The following PTER variants were observed in gnomAD, a reference collection of about 807,000 sequenced individuals.
The protein encoded by PTER is N-acetyltaurine hydrolase.
Under a neutral mutation model 29.6 loss-of-function variants are expected in PTER, and 38 were observed. That is an observed-to-expected ratio of 1.28 (90% CI 0.99 to 1.68). The LOEUF (loss-of-function observed/expected upper bound fraction) is 1.68, where lower values mean the gene tolerates loss of function less well. PTER is among the 40% of genes most tolerant of loss of function. PTER has a pLI of 0.00. For synonymous variants in PTER, 172 were observed against 154.5 expected (o/e 1.11, Z -0.84); for missense variants, 482 against 427.8 (o/e 1.13, Z -1.12).
At chr10:16,447,144 A>G (rs1311176308) in intron 1 of PTER, among the ~76,000 whole-genome samples, 1 of 126,688 alleles carries the variant, frequency 7.9e-6, no homozygotes, top group African/African-American at 3.1e-5. Flanking sequence ...TCTCTTGCCC[A>G]GGCTGGAGTG....
chr10:16,501,088 A>C (rs1836318553), intron 3 of PTER, among the ~76,000 whole-genome samples: 1 of 151,682 alleles, frequency 6.6e-6, no homozygotes, highest in African/African-American at 2.4e-5. Flanking sequence ...GTGCCACCAC[A>C]CCCAGTTAAT....
intron 1 of PTER, among the ~76,000 whole-genome samples, chr10:16,478,376 C>T (rs1207229515): frequency 6.6e-6 from 1 of 151,122 alleles, no homozygotes; most frequent in East Asian, 1.9e-4. Context: ...TCTTGTTGCC[C>T]AGGCTGGAGT....
chr10:16,509,460 G>T (rs192567729), intron 4 of PTER, among the ~76,000 whole-genome samples: 2 of 152,278 alleles, frequency 1.3e-5, no homozygotes. Flanking sequence ...CACATGATCT[G>T]CCTTTATAGT....
At chr10:16,505,207 T>TTTGA in intron 4 of PTER, 47 bp downstream of exon 4, 1 of 1,598,366 alleles carries the variant, frequency 6.3e-7, no homozygotes, top group Non-Finnish European at 8.5e-7. Flanking sequence ...CCTAGCCCTT[T>TTTGA]TTGATTGTCA....
intron 1 of PTER, among the ~76,000 whole-genome samples, chr10:16,442,569 A>G (rs1833884895): frequency 6.6e-6 from 1 of 152,206 alleles, no homozygotes; most frequent in African/African-American, 2.4e-5. Context: ...CAGGAGTTCA[A>G]GACCAGCCTG....
chr10:16,496,585 C>A (rs1298928856), intron 3 of PTER, among the ~76,000 whole-genome samples: 1 of 152,184 alleles, frequency 6.6e-6, no homozygotes, highest in Admixed American at 6.5e-5. Flanking sequence ...CAGAAACAGC[C>A]AACCACTGTT....
chr10:16,458,843 A>G (rs1201480453), intron 1 of PTER, among the ~76,000 whole-genome samples: 1 of 152,158 alleles, frequency 6.6e-6, no homozygotes, highest in African/African-American at 2.4e-5. Flanking sequence ...TCCTATCACA[A>G]CCACTAACAT....
chr10:16,463,090 G>A (rs1436765614), intron 1 of PTER, among the ~76,000 whole-genome samples: 1 of 150,900 alleles, frequency 6.6e-6, no homozygotes, highest in African/African-American at 2.4e-5. Context: ...CTACTCGGGA[G>A]ACTGAGGCAG....
chr10:16,516,331 A>T (rs927547912), downstream of PTER, among the ~76,000 whole-genome samples: 1 of 152,296 alleles, frequency 6.6e-6, no homozygotes, highest in South Asian at 2.1e-4. Context: ...ATTAATCATG[A>T]GTTTGTAGGA....
Position 16,486,355 on chromosome 10 carries a change from A to ACCGATG in PTER, c.437_442dup (p.Asp147_Val148insAlaAsp). Reference sequence around the variant, plus strand: ...ATTCCTTCTCACTCTTCCTTAGCTTACCGATGTCCTTATGAATGAAATTCT... The same window carrying ACCGATG: ...ATTCCTTCTCACTCTTCCTTAGCTTACCGATGCCGATGTCCTTATGAATGAAATTCT... On this transcript the variant is annotated inframe_insertion, in exon 3 of 5. Coordinates refer to ENST00000535784, the MANE Select transcript of PTER (RefSeq NM_001261836.2). The ACCGATG allele has an allele frequency of 6.2e-7, 1 of 1,612,592 alleles. No individual in the cohort carries two copies. Among genetic ancestry groups the ACCGATG allele is most frequent in the South Asian group, 1.1e-5 (1 of 90,984 alleles).
intron 1 of PTER, among the ~76,000 whole-genome samples, chr10:16,459,058 G>A (rs755454788): frequency 9.2e-5 from 14 of 152,128 alleles, no homozygotes; most frequent in Non-Finnish European, 1.8e-4. Flanking sequence ...CCCCAGAGAT[G>A]ACCTATATTA....
chr10:16,504,618 G>C (rs1431544531), intron 3 of PTER, among the ~76,000 whole-genome samples: 1 of 152,188 alleles, frequency 6.6e-6, no homozygotes, highest in Non-Finnish European at 1.5e-5. Context: ...CCTGAGGCCA[G>C]ATTTCCTTTA....
intron 3 of PTER, among the ~76,000 whole-genome samples, chr10:16,491,956 A>G (rs913215977): frequency 6.6e-6 from 1 of 152,050 alleles, no homozygotes; most frequent in East Asian, 1.9e-4. Context: ...ACACACACAC[A>G]TACACTCATT....
At chr10:16,493,212 A>G (rs974609769) in intron 3 of PTER, among the ~76,000 whole-genome samples, 1 of 152,184 alleles carries the variant, frequency 6.6e-6, no homozygotes, top group African/African-American at 2.4e-5. Flanking sequence ...ACTTACACAC[A>G]TTTAATCCCT....
intron 1 of PTER, among the ~76,000 whole-genome samples, chr10:16,454,099 T>A (rs1834306960): frequency 6.6e-6 from 1 of 152,240 alleles, no homozygotes; most frequent in Admixed American, 6.5e-5. Context: ...CGTCTGTGTC[T>A]ATTTTTTTGT....
In PTER at chr10:16,512,769, T is replaced by A. The variant is rs1443375333; in HGVS notation, c.*1513T>A. 6.6e-6 allele frequency: 1 copy of A among 152,544 alleles called. No individual in the cohort carries two copies. The highest frequency in any genetic ancestry group is 1.5e-5 in the Non-Finnish European group (1 of 67,980). The allele number at this position is 152,544 out of a possible 1,614,324, so 9.4% of individuals were successfully genotyped here. On this transcript the variant is annotated 3_prime_UTR_variant, in exon 5 of 5. Transcript: ENST00000535784. Reference sequence around the variant, plus strand: ...TTCACCAGTAAAGCAAGCAAATTTTTAAAATCTCTGTTTTTGAAATCTACT... The same window carrying A: ...TTCACCAGTAAAGCAAGCAAATTTTAAAAATCTCTGTTTTTGAAATCTACT...
At chr10:16,496,495 T>G (rs917365610) in intron 3 of PTER, among the ~76,000 whole-genome samples, 2 of 152,228 alleles carry the variant, frequency 1.3e-5, no homozygotes, top group African/African-American at 4.8e-5. Context: ...CTAGGAATGT[T>G]CTATTTCCCC....
At chr10:16,477,304 A>ATAGATAGATGTCTGTC (rs150732442) in intron 1 of PTER, among the ~76,000 whole-genome samples, 1 of 151,474 alleles carries the variant, frequency 6.6e-6, no homozygotes. Flanking sequence ...AGATAGATGG[A>ATAGATAGATGTCTGTC]TGTCTGTCTG....
chr10:16,444,149 G>T lies in PTER; in HGVS notation c.-49+7102G>T, dbSNP rs576266825. ...CCCGAGTAGCTGGAACTATAGGCAC[G>T]TGCCACCATGCCCAGCTAACTTTTA... On this transcript the variant is annotated intron_variant, in intron 1 of 4. Transcript: ENST00000535784. 2.6e-5 allele frequency among the ~76,000 whole-genome samples: 4 copies of T among 151,856 alleles called. No individual in the cohort carries two copies. The South Asian group carries it at 8.3e-4, about 32-fold the overall frequency.
Sources: allele counts gnomAD v4.1 joint callset (sites outside exome capture counted in the v4.1 genomes callset), GRCh38; gene constraint gnomAD v4.1.1; transcripts MANE v1.5; gene names NCBI Gene and HGNC (gene_info 2026-07-23, HGNC 2026-07-21).